Variants in EVL observed in about 807,000 individuals in gnomAD.
The protein encoded by EVL is ena/VASP-like protein.
In EVL, 21 loss-of-function variants were observed where a neutral mutation model predicts 59.6. That is an observed-to-expected ratio of 0.35 (90% CI 0.25 to 0.51). EVL has a LOEUF of 0.51. Among genes scored for constraint, EVL ranks in the 20% least tolerant of loss-of-function variants. EVL has a pLI of 0.97. For missense variants in EVL, 462 were observed against 546.6 expected (o/e 0.85, Z 1.54); for synonymous variants, 198 against 203.5 (o/e 0.97, Z 0.23).
At chr14:100,002,522 T>G (rs932139728) in intron 1 of EVL, among the ~76,000 whole-genome samples, 1 of 152,174 alleles carries the variant, frequency 6.6e-6, no homozygotes, top group Non-Finnish European at 1.5e-5. Flanking sequence ...CACATACCAA[T>G]AACATTTATA....
intron 1 of EVL, among the ~76,000 whole-genome samples, chr14:99,989,902 A>C (rs1353089456): frequency 6.6e-6 from 1 of 152,180 alleles, no homozygotes. Flanking sequence ...GAGGCAATTT[A>C]TTGAATTACT....
At chr14:100,067,292 T>C (rs1291286291) in intron 1 of EVL, among the ~76,000 whole-genome samples, 1 of 152,220 alleles carries the variant, frequency 6.6e-6, no homozygotes, top group Non-Finnish European at 1.5e-5. Context: ...GTGGTGGGGA[T>C]ACAAAGGACC....
chr14:99,985,517 C>A (rs1177539127), intron 1 of EVL, among the ~76,000 whole-genome samples: 1 of 152,054 alleles, frequency 6.6e-6, no homozygotes, highest in African/African-American at 2.4e-5. Flanking sequence ...CCTGTAATCT[C>A]AGCACTTTGG....
At chr14:100,128,926 A>G (rs1446294023) in intron 6 of EVL, among the ~76,000 whole-genome samples, 178 bp downstream of exon 6, 1 of 152,228 alleles carries the variant, frequency 6.6e-6, no homozygotes, top group East Asian at 1.9e-4. Context: ...GCACTTTGAA[A>G]TTATGAAGTT....
chr14:100,046,049 A>G (rs2061541102), intron 1 of EVL, among the ~76,000 whole-genome samples: 1 of 152,192 alleles, frequency 6.6e-6, no homozygotes, highest in Non-Finnish European at 1.5e-5. Context: ...CATTGGAAAA[A>G]AAGTGTTGAA....
At chr14:99,974,354 G>C (rs2060755499) in intron 1 of EVL, 2 of 152,322 alleles carry the variant, frequency 1.3e-5, no homozygotes, top group Admixed American at 6.5e-5. Context: ...CTGGAGCCTG[G>C]GTTCTCTGCA....
chr14:100,085,438 G>A (rs1392495334), intron 2 of EVL, among the ~76,000 whole-genome samples: 2 of 152,154 alleles, frequency 1.3e-5, no homozygotes, highest in African/African-American at 2.4e-5. Context: ...GATGTGACAT[G>A]GACTAAAATA....
chr14:100,003,994 A>G lies in EVL; in HGVS notation c.5+31937A>G, dbSNP rs183894026. ...CCGAGGCAGTGGATCACCTGACATCAGGAGTTCAAGACCAGCCAGGCCAAC... is the reference window on the plus strand; with the variant it reads ...CCGAGGCAGTGGATCACCTGACATCGGGAGTTCAAGACCAGCCAGGCCAAC... On this transcript the variant is annotated intron_variant, in intron 1 of 13. Transcript: ENST00000402714. Among the ~76,000 whole-genome samples the G allele has an allele frequency of 6.6e-5, 10 of 152,350 alleles. No homozygotes were observed. The South Asian group carries it at 8.3e-4, about 13-fold the overall frequency.
intron 4 of EVL, among the ~76,000 whole-genome samples, chr14:100,126,373 G>C (rs1888069535): frequency 6.6e-6 from 1 of 152,246 alleles, no homozygotes. Flanking sequence ...TGGGTCTGTT[G>C]AGGCCACAGG....
At chr14:100,001,938 A>G (rs117246169) in intron 1 of EVL, among the ~76,000 whole-genome samples, 3,277 of 152,326 alleles carry the variant, frequency 0.022, 60 homozygotes, top group Admixed American at 0.055. Context: ...GCAAATAACT[A>G]TATTGCCATA....
chr14:99,982,420 A>C (rs759873043), intron 1 of EVL, among the ~76,000 whole-genome samples: 3 of 152,208 alleles, frequency 2.0e-5, no homozygotes, highest in Admixed American at 6.5e-5. Context: ...GGCTATCAAT[A>C]TATACTACCA....
intron 9 of EVL, 93 bp from the exon 10 acceptor site, chr14:100,137,485 G>T (rs1444992700): frequency 3.7e-6 from 5 of 1,366,564 alleles, no homozygotes; most frequent in Non-Finnish European, 5.2e-6. Flanking sequence ...CCTTGGCATG[G>T]GTGAGGGCTT....
At chr14:100,089,830 G>A (rs2062525834) in intron 2 of EVL, among the ~76,000 whole-genome samples, 1 of 152,176 alleles carries the variant, frequency 6.6e-6, no homozygotes, top group Non-Finnish European at 1.5e-5. Context: ...CTACTCAGGA[G>A]GCTGAAGCTG....
intron 1 of EVL, among the ~76,000 whole-genome samples, chr14:100,040,768 T>A (rs542359563): frequency 1.3e-5 from 2 of 152,318 alleles, no homozygotes; most frequent in African/African-American, 4.8e-5. Flanking sequence ...CTTTCATAAA[T>A]CACTTAGCTG....
intron 1 of EVL, among the ~76,000 whole-genome samples, chr14:99,984,133 C>T (rs1173666927): frequency 6.6e-6 from 1 of 152,118 alleles, no homozygotes; most frequent in African/African-American, 2.4e-5. Context: ...TTCAGGTGGC[C>T]ACCCCCAAAT....
chr14:100,057,367 A>G (rs1595107090), intron 1 of EVL, among the ~76,000 whole-genome samples: 1 of 152,208 alleles, frequency 6.6e-6, no homozygotes, highest in East Asian at 1.9e-4. Context: ...CAGTCCCCCT[A>G]AGAGACTGCT....
chr14:100,122,150 G>T lies in EVL; in HGVS notation c.359-1389G>T, dbSNP rs1887740760. ...AGGATGAGTGGCAGTCAGGGGGCGGGGGGACACATGCCCACAGCACCTTGC... is the reference window on the plus strand; with the variant it reads ...AGGATGAGTGGCAGTCAGGGGGCGGTGGGACACATGCCCACAGCACCTTGC... On this transcript the variant is annotated intron_variant, in intron 3 of 13. Coordinates refer to ENST00000392920, the MANE Select transcript of EVL (RefSeq NM_016337.3). Among the ~76,000 whole-genome samples the T allele has an allele frequency of 2.6e-5, 4 of 152,184 alleles. No homozygotes were observed. In the South Asian group the frequency reaches 6.2e-4, roughly 24 times the overall value.
chr14:100,065,217 A>G (rs918081087), upstream of EVL: 2 of 204,296 alleles, frequency 9.8e-6, no homozygotes, highest in African/African-American at 2.3e-5. Flanking sequence ...TGAGGTTGCC[A>G]GCTGTGGGGG....
intron 1 of EVL, among the ~76,000 whole-genome samples, chr14:99,991,957 ACT>A (rs941439453): frequency 7.4e-5 from 5 of 67,660 alleles, no homozygotes; most frequent in Non-Finnish European, 1.1e-4. Context: ...TTGAGGGTCA[ACT>A]CTGTGTGTGT....
Sources: gnomAD v4.1 joint callset for allele counts (sites outside exome capture counted in the v4.1 genomes callset) on GRCh38, gnomAD v4.1.1 for gene constraint, MANE v1.5 for transcripts, NCBI Gene and HGNC (gene_info 2026-07-23, HGNC 2026-07-21) for gene names.